The following PLXDC1 variants were observed in gnomAD, a reference collection of about 807,000 sequenced individuals.
PLXDC1 encodes plexin domain-containing protein 1.
PLXDC1 carries 39 observed loss-of-function variants against 61.3 expected under a neutral mutation model. The ratio of observed to expected loss-of-function variants is 0.64; its 90% CI spans 0.49 to 0.83. PLXDC1 has a LOEUF of 0.83. Among genes scored for constraint, PLXDC1 ranks in the 40% least tolerant of loss-of-function variants. PLXDC1 has a pLI of 0.00. For synonymous variants in PLXDC1, 212 were observed against 254.5 expected (o/e 0.83, Z 1.59); for missense variants, 596 against 666.5 (o/e 0.89, Z 1.17).
At chr17:39,128,103 A>ATATGTGTATATATATG (rs1388209830) in intron 2 of PLXDC1, among the ~76,000 whole-genome samples, 1 of 84,900 alleles carries the variant, frequency 1.2e-5, no homozygotes, top group Non-Finnish European at 2.3e-5. Context: ...ATGTGTATAT[A>ATATGTGTATATATATG]TATATATATA....
intron 10 of PLXDC1, 107 bp downstream of exon 10, chr17:39,078,997 G>A (rs1016247181): frequency 3.5e-6 from 3 of 869,028 alleles, no homozygotes; most frequent in Non-Finnish European, 5.7e-6. Flanking sequence ...ATATTGCCAA[G>A]AGCTAATGCC....
At position 39,063,785 on chromosome 17, in the gene PLXDC1, A is replaced by G. The variant is rs1010242319; in HGVS notation, c.*4055T>C. On this transcript the variant is annotated 3_prime_UTR_variant, in exon 14 of 14. Transcript: ENST00000315392. ...TGGAGACAGAGATTGGCCGCATCAT[A>G]TCTGTGACACTGACTCTTCTGGTGT... 2.6e-6 allele frequency: 1 copy of G among 381,948 alleles called. No homozygotes were observed. The allele number at this position is 381,948 out of a possible 1,614,324, so 23.7% of individuals were successfully genotyped here.
chr17:39,087,496 C>A, intron 8 of PLXDC1, 111 bp downstream of exon 8: 2 of 808,216 alleles, frequency 2.5e-6, no homozygotes, highest in East Asian at 5.3e-5. Flanking sequence ...TGGAGGGCCC[C>A]GAAAAGTTAG....
rs73983238 is a variant in PLXDC1, at chr17:39,147,332, G to C, written c.76+4030C>G. On this transcript the variant is annotated intron_variant, in intron 1 of 13. Coordinates refer to ENST00000315392, the MANE Select transcript of PLXDC1 (RefSeq NM_020405.5). ...TTCAACCAATTAACAATTCCCACACGTTGGCCACCCCACCCCAAACCCCAT... is the reference window on the plus strand; with the variant it reads ...TTCAACCAATTAACAATTCCCACACCTTGGCCACCCCACCCCAAACCCCAT... Among the ~76,000 whole-genome samples the C allele has an allele frequency of 6.7e-3, 1,021 of 152,232 alleles. 13 individuals are homozygous for C. The highest frequency in any genetic ancestry group is 0.023 in the African/African-American group (958 of 41,524).
chr17:39,104,615 C>A (rs768433583), intron 7 of PLXDC1, among the ~76,000 whole-genome samples: 1 of 152,042 alleles, frequency 6.6e-6, no homozygotes, highest in Non-Finnish European at 1.5e-5. Flanking sequence ...AAGGCCCTGT[C>A]TCTACAAAAA....
intron 2 of PLXDC1, among the ~76,000 whole-genome samples, chr17:39,135,677 A>G (rs1673850): frequency 1.7e-5 from 2 of 116,320 alleles, no homozygotes; most frequent in African/African-American, 3.0e-5. Flanking sequence ...CACTCCGTCT[A>G]AAAAAAAAAA....
intron 7 of PLXDC1, among the ~76,000 whole-genome samples, chr17:39,098,851 A>G (rs1023653680): frequency 6.6e-6 from 1 of 152,184 alleles, no homozygotes; most frequent in Non-Finnish European, 1.5e-5. Context: ...CACAGACCAG[A>G]GCTCCCCAGG....
At chr17:39,068,084 A>G in intron 13 of PLXDC1, 125 bp from the exon 14 acceptor site, 1 of 834,042 alleles carries the variant, frequency 1.2e-6, no homozygotes. Context: ...TGGGCCTACC[A>G]GGAGCCACAC....
At chr17:39,088,893 C>G (rs781384556) in intron 7 of PLXDC1, among the ~76,000 whole-genome samples, 70 of 123,182 alleles carry the variant, frequency 5.7e-4, no homozygotes, top group Admixed American at 8.9e-4. Flanking sequence ...AGGTTGCAGT[C>G]AGCTGAGATT....
intron 13 of PLXDC1, among the ~76,000 whole-genome samples, chr17:39,068,616 G>A (rs1598180743): frequency 6.6e-6 from 1 of 152,334 alleles, no homozygotes; most frequent in South Asian, 2.1e-4. Flanking sequence ...GGCGGAGGCT[G>A]CAGTAAGCCA....
chr17:39,078,436 C>T (rs1474025702), intron 10 of PLXDC1, among the ~76,000 whole-genome samples: 1 of 152,196 alleles, frequency 6.6e-6, no homozygotes, highest in African/African-American at 2.4e-5. Flanking sequence ...CAATGGCCCC[C>T]AGCTTTTGGT....
chr17:39,113,690 A>G (rs1191543685), intron 2 of PLXDC1, among the ~76,000 whole-genome samples: 1 of 152,058 alleles, frequency 6.6e-6, no homozygotes, highest in East Asian at 1.9e-4. Context: ...AAAATACAAT[A>G]AAATAAAACA....
intron 13 of PLXDC1, among the ~76,000 whole-genome samples, chr17:39,068,887 G>A (rs1244870530): frequency 6.6e-6 from 1 of 152,136 alleles, no homozygotes; most frequent in East Asian, 1.9e-4. Context: ...GGGTCACAGA[G>A]GCACCACTGC....
At chr17:39,123,248 T>TGG (rs1911220241) in intron 2 of PLXDC1, among the ~76,000 whole-genome samples, 1 of 152,144 alleles carries the variant, frequency 6.6e-6, no homozygotes, top group Non-Finnish European at 1.5e-5. Flanking sequence ...TGGAGTGCAA[T>TGG]AGCCGCATCT....
chr17:39,140,701 CAGTTT>C (rs1911910255), intron 1 of PLXDC1, among the ~76,000 whole-genome samples: 1 of 152,192 alleles, frequency 6.6e-6, no homozygotes, highest in African/African-American at 2.4e-5. Flanking sequence ...CCTTCCAAAC[CAGTTT>C]CTTATTTCTC....
chr17:39,151,816 G>C (rs981297943), upstream of PLXDC1, among the ~76,000 whole-genome samples: 1 of 152,178 alleles, frequency 6.6e-6, no homozygotes, highest in Non-Finnish European at 1.5e-5. This position sits in a 1 kb window ranked among gnomAD's most constrained non-coding sequence, Gnocchi z 5.2. Context: ...GTAGGGGACA[G>C]GGCGGGAGCC....
chr17:39,124,266 C>T (rs977837131), intron 2 of PLXDC1, among the ~76,000 whole-genome samples: 3 of 152,236 alleles, frequency 2.0e-5, no homozygotes, highest in African/African-American at 7.2e-5. Flanking sequence ...ATCAACACGT[C>T]ACTCATTTTT....
chr17:39,139,503 C>T (rs1477302678), intron 2 of PLXDC1, 151 bp downstream of exon 2: 2 of 694,754 alleles, frequency 2.9e-6, no homozygotes, highest in African/African-American at 3.6e-5. Flanking sequence ...CTGCTTCCAT[C>T]CCCTCCCCGG....
At chr17:39,135,972 C>G (rs142927820) in intron 2 of PLXDC1, among the ~76,000 whole-genome samples, 45 of 152,302 alleles carry the variant, frequency 3.0e-4, no homozygotes, top group African/African-American at 9.4e-4. Flanking sequence ...CTCCATGGCT[C>G]TTTTCTGAAA....
Sources: gnomAD v4.1 joint callset for allele counts (sites outside exome capture counted in the v4.1 genomes callset) on GRCh38, gnomAD v4.1.1 for gene constraint, Gnocchi (gnomAD v3.1) non-coding constraint, MANE v1.5 for transcripts, NCBI Gene and HGNC (gene_info 2026-07-23, HGNC 2026-07-21) for gene names.